ERBB4: variants seen among roughly 807,000 people sequenced by gnomAD.
ERBB4 encodes the protein erb-b2 receptor tyrosine kinase 4.
ERBB4 carries 42 observed loss-of-function variants against 158.0 expected under a neutral mutation model. The observed-to-expected ratio is 0.27, with a 90% CI of 0.21 to 0.34. The LOEUF (loss-of-function observed/expected upper bound fraction) is 0.34, where lower values mean the gene tolerates loss of function less well. ERBB4 is among the 10% of genes least tolerant of loss of function. ERBB4 has a pLI of 1.00. For synonymous variants in ERBB4, 583 were observed against 558.7 expected (o/e 1.04, Z -0.61); for missense variants, 1,333 against 1,624.1 (o/e 0.82, Z 3.08).
rs561615763 is a variant in ERBB4 at position 211,927,807 on chromosome 2, C to A, written c.421+19623G>T. Among the ~76,000 whole-genome samples the A allele has an allele frequency of 2.0e-5, 3 of 151,920 alleles. No individual in the cohort carries two copies. The East Asian group carries it at 5.8e-4, about 29-fold the overall frequency. ...TAGAAGTTAAGGAAGTTTGTCCCTT[C>A]CATCTCTAAAATATTATACTTACGA... On this transcript the variant is annotated intron_variant, in intron 3 of 27. Coordinates refer to ENST00000342788, the MANE Select transcript of ERBB4 (RefSeq NM_005235.3).
intron 1 of ERBB4, among the ~76,000 whole-genome samples, chr2:212,475,003 C>A (rs1207676656): frequency 6.6e-6 from 1 of 151,820 alleles, no homozygotes; most frequent in African/African-American, 2.4e-5. Context: ...TTAGGCTTTC[C>A]CAAACTGCTG....
chr2:211,619,206 C>A lies in ERBB4; in HGVS notation c.2272G>T (p.Gly758Cys), dbSNP rs182073178. Reference protein sequence around the residue: ...VAIKILNETTGPKANVEFMDE... With the variant: ...VAIKILNETTCPKANVEFMDE... ...ATGAACTCCACATTTGCCTTGGGACCAGTTGTCTCATTAAGAATCTTAATA... is the reference window on the plus strand; with the variant it reads ...ATGAACTCCACATTTGCCTTGGGACAAGTTGTCTCATTAAGAATCTTAATA... Residue 758 changes from glycine (G) to cysteine (C), a missense_variant, in exon 19 of 28, where the codon GGT becomes TGT. By Grantham distance (159) the Gly-to-Cys change is radical (BLOSUM62 -3). Coordinates refer to ENST00000342788, the MANE Select transcript of ERBB4 (RefSeq NM_005235.3). 5 of 1,611,008 alleles carry A rather than the reference C, an allele frequency of 3.1e-6. No individual in the cohort carries two copies. The highest frequency in any genetic ancestry group is 2.2e-5 in the East Asian group (1 of 44,796).
intron 2 of ERBB4, among the ~76,000 whole-genome samples, chr2:212,071,315 A>G (rs1202431609): frequency 2.6e-4 from 2 of 7,782 alleles, no homozygotes; most frequent in Non-Finnish European, 3.9e-3. Context: ...GAAGAAATGA[A>G]AAAAAAAAAA....
intron 3 of ERBB4, among the ~76,000 whole-genome samples, chr2:211,930,080 AT>A (rs1007775123): frequency 2.6e-5 from 4 of 152,170 alleles, no homozygotes; most frequent in Non-Finnish European, 5.9e-5. Flanking sequence ...CAGAAAACAG[AT>A]TTTCTATTTT....
At chr2:212,363,505 A>T (rs1320222279) in intron 1 of ERBB4, among the ~76,000 whole-genome samples, 1 of 151,550 alleles carries the variant, frequency 6.6e-6, no homozygotes, top group East Asian at 1.9e-4. Flanking sequence ...TTCAAAATGT[A>T]ATATTCACAT....
intron 2 of ERBB4, among the ~76,000 whole-genome samples, chr2:212,011,538 G>T (rs2076387197): frequency 6.6e-6 from 1 of 152,028 alleles, no homozygotes; most frequent in African/African-American, 2.4e-5. Flanking sequence ...ATCACCTGAG[G>T]TCATGAGTTC....
At chr2:211,978,396 G>GTCTGTCTTTCTATCTATCTA (rs77259627) in intron 2 of ERBB4, among the ~76,000 whole-genome samples, 10 of 136,652 alleles carry the variant, frequency 7.3e-5, no homozygotes, top group African/African-American at 2.3e-4. Flanking sequence ...CTGTCTGTCT[G>GTCTGTCTTTCTATCTATCTA]TCTATCTATC....
chr2:211,774,142 G>A (rs2075813596), intron 4 of ERBB4, among the ~76,000 whole-genome samples: 2 of 150,506 alleles, frequency 1.3e-5, no homozygotes, highest in African/African-American at 2.4e-5. Flanking sequence ...GTGTGATCTT[G>A]GCTCACTGGA....
chr2:212,246,995 T>C (rs1373984827), intron 1 of ERBB4, among the ~76,000 whole-genome samples: 1 of 152,162 alleles, frequency 6.6e-6, no homozygotes, highest in Admixed American at 6.6e-5. Context: ...GGTTCAAATC[T>C]CTGAAAATGT....
At chr2:211,721,584 T>C (rs1258537867) in intron 7 of ERBB4, among the ~76,000 whole-genome samples, 1 of 147,984 alleles carries the variant, frequency 6.8e-6, no homozygotes, top group Non-Finnish European at 1.5e-5. Context: ...CCTTTATATA[T>C]ATACATGTTT....
chr2:211,599,967 T>G (rs1348970089), intron 19 of ERBB4, among the ~76,000 whole-genome samples: 2 of 152,158 alleles, frequency 1.3e-5, no homozygotes, highest in African/African-American at 4.8e-5. Context: ...GTCTTTCTTG[T>G]TTCCATGTGA....
intron 15 of ERBB4, among the ~76,000 whole-genome samples, chr2:211,660,627 G>C (rs184921220): frequency 4.0e-4 from 61 of 152,284 alleles, no homozygotes; most frequent in African/African-American, 1.3e-3. Flanking sequence ...TCAGCAGTTG[G>C]AAAGATGAGT....
Position 211,722,417 on chromosome 2 carries a change from C to T in ERBB4, c.859G>A (p.Ala287Thr). The T allele has an allele frequency of 6.2e-7, 1 of 1,613,572 alleles. No homozygotes were observed. Among genetic ancestry groups the T allele is most frequent in the Non-Finnish European group, 8.5e-7 (1 of 1,179,558 alleles). ...HNFNAKYTYG[A>T]FCVKKCPHNF... Reference sequence around the variant, plus strand: ...CGTGGACATTTCTTGACACAGAATGCTCCATATGTGTACTTTGCATTGAAA... The same window carrying T: ...CGTGGACATTTCTTGACACAGAATGTTCCATATGTGTACTTTGCATTGAAA... Residue 287 changes from alanine (A) to threonine (T), a missense_variant, in exon 7 of 28, where the codon GCA (alanine) becomes ACA (threonine). Ala to Thr is a moderately conservative substitution (Grantham distance 58). This residue lies in a region of ERBB4 where 438 missense variants were observed against 586.9 expected (regional missense o/e 0.75). Coordinates refer to ENST00000342788, the MANE Select transcript of ERBB4 (RefSeq NM_005235.3).
chr2:211,895,388 G>A (rs1283208091), intron 3 of ERBB4, among the ~76,000 whole-genome samples: 3 of 152,114 alleles, frequency 2.0e-5, no homozygotes, highest in African/African-American at 7.2e-5. Flanking sequence ...TTCCCAAGTA[G>A]CTGGTACTAC....
At chr2:211,958,956 C>A (rs1440537299) in intron 2 of ERBB4, among the ~76,000 whole-genome samples, 2 of 152,006 alleles carry the variant, frequency 1.3e-5, no homozygotes, top group East Asian at 1.9e-4. Flanking sequence ...TGCTATCTGA[C>A]CTTTTCAAAC....
At chr2:211,917,949 A>G (rs573195966) in intron 3 of ERBB4, among the ~76,000 whole-genome samples, 1 of 152,318 alleles carries the variant, frequency 6.6e-6, no homozygotes, top group East Asian at 1.9e-4. Context: ...CACTGGGGGA[A>G]CCATGTAAAA....
At chr2:212,017,195 G>A (rs2076547836) in intron 2 of ERBB4, among the ~76,000 whole-genome samples, 1 of 152,058 alleles carries the variant, frequency 6.6e-6, no homozygotes, top group African/African-American at 2.4e-5. Context: ...CAACTTCCTT[G>A]AGTGTACATT....
chr2:212,404,010 G>A (rs1019771501), intron 1 of ERBB4, among the ~76,000 whole-genome samples: 7 of 152,034 alleles, frequency 4.6e-5, no homozygotes, highest in East Asian at 1.9e-4. Context: ...TAGACTGAAC[G>A]TTTCAGATGG....
At chr2:211,772,948 TATATATA>T (rs1302699789) in intron 4 of ERBB4, among the ~76,000 whole-genome samples, 9 of 83,432 alleles carry the variant, frequency 1.1e-4, no homozygotes, top group African/African-American at 4.7e-4. Flanking sequence ...TATATATATA[TATATATA>T]TTTTTTTTTT....
Sources: allele counts gnomAD v4.1 joint callset (sites outside exome capture counted in the v4.1 genomes callset), GRCh38; gene constraint gnomAD v4.1.1; regional missense constraint gnomAD v4.1.1; transcripts MANE v1.5; gene names NCBI Gene and HGNC (gene_info 2026-07-23, HGNC 2026-07-21).